Variants in PRKCA observed in about 807,000 individuals in gnomAD.
PRKCA encodes the protein protein kinase C alpha type.
A neutral mutation model predicts 87.0 loss-of-function variants in PRKCA; 27 were observed. That is an observed-to-expected ratio of 0.31 (90% CI 0.23 to 0.43). The LOEUF is 0.43. Among genes scored for constraint, PRKCA ranks in the 20% least tolerant of loss-of-function variants. PRKCA has a pLI of 1.00. For synonymous variants in PRKCA, 329 were observed against 311.1 expected (o/e 1.06, Z -0.61); for missense variants, 518 against 852.3 (o/e 0.61, Z 4.88).
intron 13 of PRKCA, among the ~76,000 whole-genome samples, chr17:66,768,339 G>A (rs1008341328): frequency 1.2e-4 from 18 of 150,802 alleles, no homozygotes; most frequent in East Asian, 3.9e-4. Context: ...CTCTTGCCTC[G>A]GCCTCCCGAG....
intron 2 of PRKCA, among the ~76,000 whole-genome samples, chr17:66,350,637 C>G (rs1260330241): frequency 1.3e-5 from 2 of 152,110 alleles, no homozygotes; most frequent in Non-Finnish European, 2.9e-5. Context: ...ATCCTCCCAC[C>G]TCAGCCTCCC....
intron 3 of PRKCA, among the ~76,000 whole-genome samples, chr17:66,531,255 T>C (rs140885402): frequency 1.1e-3 from 164 of 152,330 alleles, no homozygotes; most frequent in African/African-American, 3.5e-3. Flanking sequence ...CGCGTTCACA[T>C]AGGGTTCTGC....
At chr17:66,665,613 G>C (rs144602135) in intron 5 of PRKCA, among the ~76,000 whole-genome samples, 88 of 152,164 alleles carry the variant, frequency 5.8e-4, no homozygotes, top group African/African-American at 2.1e-3. Context: ...CCTGGAGTGG[G>C]GTAGAGTACT....
At chr17:66,466,218 G>A (rs1915081548) in intron 2 of PRKCA, among the ~76,000 whole-genome samples, 1 of 152,200 alleles carries the variant, frequency 6.6e-6, no homozygotes, top group South Asian at 2.1e-4. Flanking sequence ...CCTTTTTTCT[G>A]TAGTCGGTGA....
intron 3 of PRKCA, among the ~76,000 whole-genome samples, chr17:66,515,994 G>T (rs944876524): frequency 6.6e-6 from 1 of 152,132 alleles, no homozygotes; most frequent in Non-Finnish European, 1.5e-5. Flanking sequence ...GAAATATTTT[G>T]AGATTCAATA....
chr17:66,373,094 A>G (rs575115551), intron 2 of PRKCA, among the ~76,000 whole-genome samples: 5 of 152,226 alleles, frequency 3.3e-5, no homozygotes, highest in African/African-American at 1.2e-4. Context: ...AGATTGATTT[A>G]TGGCTCACAT....
chr17:66,434,292 G>A (rs1316556938), intron 2 of PRKCA, among the ~76,000 whole-genome samples: 3 of 151,804 alleles, frequency 2.0e-5, no homozygotes, highest in South Asian at 2.1e-4. Flanking sequence ...AAGACAGCCC[G>A]TCTTCATTAG....
chr17:66,779,033 CT>C (rs1975137564), intron 14 of PRKCA, among the ~76,000 whole-genome samples: 1 of 152,126 alleles, frequency 6.6e-6, no homozygotes, highest in South Asian at 2.1e-4. Context: ...TATTCCTAGG[CT>C]GTCACTCAGC....
At chr17:66,753,464 G>A (rs1376629991) in intron 13 of PRKCA, among the ~76,000 whole-genome samples, 1 of 152,238 alleles carries the variant, frequency 6.6e-6, no homozygotes, top group Non-Finnish European at 1.5e-5. Context: ...GGCCTGGGAA[G>A]AGAAGTGGGG....
intron 3 of PRKCA, among the ~76,000 whole-genome samples, chr17:66,626,137 G>T (rs1196232714): frequency 2.0e-5 from 3 of 152,010 alleles, no homozygotes; most frequent in Non-Finnish European, 2.9e-5. Flanking sequence ...GGTTGCAAGA[G>T]CCCAAAGGCT....
chr17:66,592,755 A>G (rs1969847125), intron 3 of PRKCA, among the ~76,000 whole-genome samples: 1 of 152,178 alleles, frequency 6.6e-6, no homozygotes, highest in Non-Finnish European at 1.5e-5. Flanking sequence ...TGTTTTCTAA[A>G]TTGTTCATAA....
intron 5 of PRKCA, among the ~76,000 whole-genome samples, chr17:66,647,038 C>T (rs1405068520): frequency 6.6e-6 from 1 of 152,212 alleles, no homozygotes; most frequent in Non-Finnish European, 1.5e-5. Context: ...TCCTTGGAAT[C>T]CCTGCCCTTA....
chr17:66,732,585 C>G, intron 8 of PRKCA, 103 bp from the exon 9 acceptor site: 1 of 1,423,144 alleles, frequency 7.0e-7, no homozygotes, highest in Non-Finnish European at 9.9e-7. Flanking sequence ...TCACCCCATC[C>G]CACCTCCAAG....
chr17:66,645,338 T>TG (rs768686247), intron 4 of PRKCA, 45 bp from the exon 5 acceptor site: 50 of 1,612,732 alleles, frequency 3.1e-5, no homozygotes, highest in Admixed American at 1.7e-4. Flanking sequence ...GAGCGGTGGT[T>TG]GGAGTCCATA....
At position 66,302,743 on chromosome 17, in the gene PRKCA, C is replaced by T; in HGVS notation, c.-109C>T. On this transcript the variant is annotated 5_prime_UTR_variant, in exon 1 of 17. Coordinates refer to ENST00000413366, the MANE Select transcript of PRKCA (RefSeq NM_002737.3). ...GCGACCTCGGCCACCGGCCCGCGCC[C>T]CGCGCCCGGGGTCGCCCCGAGCCCG... 2.3e-6 allele frequency: 2 copies of T among 882,580 alleles called. No homozygotes were observed. The highest frequency in any genetic ancestry group is 5.2e-5 in the South Asian group (1 of 19,302). The allele number at this position is 882,580 out of a possible 1,614,324, so 54.7% of individuals were successfully genotyped here. A position where few individuals can be genotyped will look rare whatever the true frequency, so the allele number is the denominator to read the frequency against.
chr17:66,414,589 T>A (rs1237332852), intron 2 of PRKCA, among the ~76,000 whole-genome samples: 5 of 152,246 alleles, frequency 3.3e-5, no homozygotes, highest in African/African-American at 1.2e-4. Flanking sequence ...CATACTTTGC[T>A]TCACATGTGT....
chr17:66,361,344 C>T (rs1908379355), intron 2 of PRKCA, among the ~76,000 whole-genome samples: 1 of 151,004 alleles, frequency 6.6e-6, no homozygotes, highest in Non-Finnish European at 1.5e-5. Context: ...CAGGGTCTCG[C>T]TCTGTTGCCC....
chr17:66,668,705 T>C (rs1385165695), intron 5 of PRKCA, among the ~76,000 whole-genome samples: 1 of 152,050 alleles, frequency 6.6e-6, no homozygotes, highest in African/African-American at 2.4e-5. Context: ...TTTTAAAACA[T>C]GGGAGATAAA....
intron 2 of PRKCA, among the ~76,000 whole-genome samples, chr17:66,495,124 G>C (rs1916415338): frequency 1.3e-5 from 2 of 150,662 alleles, no homozygotes; most frequent in Non-Finnish European, 3.0e-5. Flanking sequence ...AAAACTCTTA[G>C]GGGATTACTT....
Sources: gnomAD v4.1 joint callset for allele counts (sites outside exome capture counted in the v4.1 genomes callset) on GRCh38, gnomAD v4.1.1 for gene constraint, MANE v1.5 for transcripts, NCBI Gene and HGNC (gene_info 2026-07-23, HGNC 2026-07-21) for gene names.